Variants in SMG1 observed in about 807,000 individuals in gnomAD.
SMG1 encodes serine/threonine-protein kinase SMG1.
Under a neutral mutation model 419.9 loss-of-function variants are expected in SMG1, and 22 were observed. The observed-to-expected ratio is 0.05, with a 90% CI of 0.04 to 0.07. The LOEUF (loss-of-function observed/expected upper bound fraction) is 0.07. Ranked by LOEUF, SMG1 falls within the 10% of genes least tolerant of loss-of-function variation. The pLI is 1.00. For synonymous variants in SMG1, 1,538 were observed against 1,553.5 expected, an observed-to-expected ratio of 0.99 and a Z score of 0.23; for missense variants, 3,185 against 4,342.0, an observed-to-expected ratio of 0.73 and a Z score of 7.49.
rs369530932 is a variant in SMG1 at position 18,850,347 on chromosome 16, C to T, written c.5173G>A (p.Ala1725Thr). Residue 1725 changes from alanine (A) to threonine (T), a missense_variant, in exon 34 of 63, where the codon GCA becomes ACA. Ala to Thr is a moderately conservative substitution (Grantham distance 58, BLOSUM62 0). Around this residue, in one of 27 missense-constraint regions of SMG1, gnomAD observed 493 missense variants for 552.9 expected, o/e 0.89. Coordinates refer to ENST00000446231, the MANE Select transcript of SMG1 (RefSeq NM_015092.5). Reference sequence around the variant, plus strand: ...CACACTTTAATAACTCCTTCAGTTGCACTTTCATCAAGTTCTGAAAGCCAT... The same window carrying T: ...CACACTTTAATAACTCCTTCAGTTGTACTTTCATCAAGTTCTGAAAGCCAT... ...CPWLSELDESATEGVIKVWRK... is the reference protein window; with the variant it reads ...CPWLSELDESTTEGVIKVWRK... 1.5e-5 allele frequency: 25 copies of T among 1,613,814 alleles called. No individual in the cohort carries two copies. The highest frequency in any genetic ancestry group is 1.9e-5 in the Non-Finnish European group (22 of 1,179,848).
chr16:18,879,366 T>C (rs2036285048), intron 11 of SMG1, 129 bp downstream of exon 11: 2 of 712,204 alleles, frequency 2.8e-6, no homozygotes, highest in Non-Finnish European at 2.4e-6. Context: ...CCTTCTGCTT[T>C]GGCCTCCCAA....
intron 60 of SMG1, 167 bp from the exon 61 acceptor site, chr16:18,812,294 AAAC>A: frequency 1.6e-6 from 1 of 606,338 alleles, no homozygotes; most frequent in East Asian, 3.0e-5. Context: ...TGTAGCCTAA[AAAC>A]AGCCAGACAT....
At chr16:18,865,218 A>G (rs565422279) in intron 23 of SMG1, among the ~76,000 whole-genome samples, 1 of 152,350 alleles carries the variant, frequency 6.6e-6, no homozygotes, top group East Asian at 1.9e-4. Flanking sequence ...TTAAAAAATC[A>G]CAAAAGGTCA....
rs2035357043 is a variant in SMG1 at position 18,864,075 on chromosome 16, G to A, written c.3420C>T (p.Ser1140=). ...CAMTGVDCCI[S]SFDKSVLTLA... ...AGGTGAGCACCGATTTGTCAAAGCT[G>A]GAGATGCAGCAATCAACACCTGTCA... The change falls in exon 24 of 63, where the codon TCC becomes TCT. Residue 1140 remains serine (S), a synonymous_variant. Coordinates refer to ENST00000446231, the MANE Select transcript of SMG1 (RefSeq NM_015092.5). 3.2e-6 allele frequency: 5 copies of A among 1,549,764 alleles called. No individual in the cohort carries two copies. Among genetic ancestry groups the A allele is most frequent in the Non-Finnish European group, 4.4e-6 (5 of 1,146,844 alleles).
At chr16:18,862,885 C>G (rs556864569) in intron 25 of SMG1, among the ~76,000 whole-genome samples, 15 of 152,340 alleles carry the variant, frequency 9.8e-5, no homozygotes, top group African/African-American at 2.9e-4. Flanking sequence ...CACATCAGGT[C>G]TAGGGCCAAA....
Position 18,852,138 on chromosome 16 carries a change from T to C in SMG1, c.4981A>G (p.Ile1661Val). The C allele has an allele frequency of 5.0e-6, 8 of 1,613,872 alleles. No individual in the cohort carries two copies. Among genetic ancestry groups the C allele is most frequent in the Non-Finnish European group, 6.8e-6 (8 of 1,179,840 alleles). The change falls in exon 33 of 63, where the codon ATA becomes GTA. Residue 1661 changes from isoleucine to valine, a missense_variant. Coordinates refer to ENST00000446231, the MANE Select transcript of SMG1 (RefSeq NM_015092.5). ...SEVQNLLPDT[I>V]TEEEKERIYG... ...ATTCTCTCTTTCTCTTCCTCAGTTA[T>C]AGTGTCTGGAAGTAGATTCTGAACT...
At chr16:18,839,228 T>C (rs1268549183) in intron 42 of SMG1, among the ~76,000 whole-genome samples, 1 of 152,184 alleles carries the variant, frequency 6.6e-6, no homozygotes, top group Non-Finnish European at 1.5e-5. Context: ...GGGACATGTG[T>C]AGGTCTTTAC....
chr16:18,888,281 A>G (rs1284566745), intron 6 of SMG1, among the ~76,000 whole-genome samples: 2 of 151,212 alleles, frequency 1.3e-5, no homozygotes, highest in East Asian at 1.9e-4. Flanking sequence ...ACCATTTGGA[A>G]TAAGAATTTG....
intron 62 of SMG1, among the ~76,000 whole-genome samples, chr16:18,809,992 A>G (rs919721812): frequency 5.3e-5 from 8 of 151,994 alleles, no homozygotes; most frequent in Admixed American, 2.0e-4. Flanking sequence ...AAAAAAAAAA[A>G]TTCTTGCCCA....
In SMG1 at chr16:18,806,526, A is replaced by G. The variant is rs2030851364; in HGVS notation, c.*3043T>C. Reference sequence around the variant, plus strand: ...CTCAATGACCAAAAATAATCAATCAAACTTCAAGACACACCAAAGCAACAG... The same window carrying G: ...CTCAATGACCAAAAATAATCAATCAGACTTCAAGACACACCAAAGCAACAG... On this transcript the variant is annotated 3_prime_UTR_variant, in exon 63 of 63. Coordinates refer to ENST00000446231, the MANE Select transcript of SMG1 (RefSeq NM_015092.5). 6.6e-6 allele frequency: 1 copy of G among 152,302 alleles called. No homozygotes were observed. Among genetic ancestry groups the G allele is most frequent in the African/African-American group, 2.4e-5 (1 of 41,450 alleles). The allele number at this position is 152,302 out of a possible 1,614,324, so 9.4% of individuals were successfully genotyped here.
At chr16:18,821,221 C>CTTTTTTT (rs869238782) in intron 55 of SMG1, among the ~76,000 whole-genome samples, 11 of 35,596 alleles carry the variant, frequency 3.1e-4, no homozygotes, top group Non-Finnish European at 5.0e-4. Flanking sequence ...TAGTATGTTT[C>CTTTTTTT]TTTTTTTTTT....
intron 1 of SMG1, among the ~76,000 whole-genome samples, chr16:18,916,329 C>G (rs1046068682): frequency 2.0e-5 from 3 of 151,226 alleles, no homozygotes; most frequent in Non-Finnish European, 2.9e-5. Context: ...TCCTGGCTAA[C>G]ATAGTGAAAC....
intron 35 of SMG1, 112 bp from the exon 36 acceptor site, chr16:18,849,490 A>T: frequency 9.9e-7 from 1 of 1,006,750 alleles, no homozygotes; most frequent in Non-Finnish European, 1.4e-6. Context: ...ATTAGTACGG[A>T]TTTTAAGAGT....
rs60574957 is a variant in SMG1 at position 18,845,325 on chromosome 16, T to A, written c.6219+104A>T. 961 of 979,656 alleles carry A rather than the reference T, an allele frequency of 9.8e-4. 3 individuals are homozygous for A. The African/African-American group carries it at 0.013, about 13-fold the overall frequency. The allele number at this position is 979,656 out of a possible 1,614,324, so 60.7% of individuals were successfully genotyped here. ...CCACAGGCTGCCTCCTATAGGCTTATAAAATCTCTTACATTCCAAGTAAGA... is the reference window on the plus strand; with the variant it reads ...CCACAGGCTGCCTCCTATAGGCTTAAAAAATCTCTTACATTCCAAGTAAGA... On this transcript the variant is annotated intron_variant, in intron 39 of 62. Coordinates refer to ENST00000446231, the MANE Select transcript of SMG1 (RefSeq NM_015092.5).
chr16:18,848,881 G>T (rs904879567), intron 36 of SMG1, among the ~76,000 whole-genome samples: 1 of 151,316 alleles, frequency 6.6e-6, no homozygotes, highest in African/African-American at 2.4e-5. Flanking sequence ...GACCAGCCTG[G>T]CCAAGATGGT....
In SMG1 at chr16:18,892,287, G is replaced by T. The variant is rs368895468; in HGVS notation, c.480C>A (p.Asp160Glu). The T allele has an allele frequency of 1.3e-5, 20 of 1,550,826 alleles. No individual in the cohort carries two copies. Among genetic ancestry groups the T allele is most frequent in the African/African-American group, 2.7e-5 (2 of 73,088 alleles). Residue 160 changes from aspartate (D) to glutamate (E), a missense_variant, in exon 4 of 63, where the codon GAC becomes GAA. Asp to Glu is a conservative substitution (Grantham distance 45). Around this residue, in one of 27 missense-constraint regions of SMG1, gnomAD observed 20 missense variants for 54.7 expected, o/e 0.37. Coordinates refer to ENST00000446231, the MANE Select transcript of SMG1 (RefSeq NM_015092.5). ...SNLLRRITRE[D>E]DRDRRLATVK... is the part of the protein sequence containing the mutation. ...CAGTAGCCAATCTTCGGTCTCTGTC[G>T]TCTTCCCGGGTGATCCTCCGAAGAA... is the stretch of plus-strand genomic sequence containing the variant.
At chr16:18,848,125 C>G in intron 36 of SMG1, 92 bp from the exon 37 acceptor site, 1 of 1,064,790 alleles carries the variant, frequency 9.4e-7, no homozygotes, top group Non-Finnish European at 1.4e-6. Context: ...CTATTTGACT[C>G]AAGAGCACTC....
chr16:18,884,592 A>C (rs1356000389), intron 8 of SMG1, among the ~76,000 whole-genome samples: 4 of 152,240 alleles, frequency 2.6e-5, no homozygotes, highest in Non-Finnish European at 5.9e-5. Flanking sequence ...AAAGTTTATT[A>C]CACCATGTAA....
Position 18,895,618 on chromosome 16 carries a change from C to A in SMG1, c.412+434G>T, listed in dbSNP as rs372215494. Among the ~76,000 whole-genome samples the A allele has an allele frequency of 4.6e-5, 7 of 151,506 alleles. No individual in the cohort carries two copies. The East Asian group carries it at 1.4e-3, about 29-fold the overall frequency. On this transcript the variant is annotated intron_variant, in intron 3 of 62. Transcript: ENST00000446231. ...TAGATGATGGGATGATCTGTGCAGC[C>A]AACTACCATGGCACACGTTTACCTA...
Sources: allele counts gnomAD v4.1 joint callset (sites outside exome capture counted in the v4.1 genomes callset), GRCh38; gene constraint gnomAD v4.1.1; regional missense constraint gnomAD v4.1.1; transcripts MANE v1.5; gene names NCBI Gene and HGNC (gene_info 2026-07-23, HGNC 2026-07-21).